The following INPP4A variants were observed in gnomAD, a reference collection of about 807,000 sequenced individuals.
INPP4A encodes the protein inositol polyphosphate-4-phosphatase type I A, also known as inositol polyphosphate-4-phosphatase, type I, 107kD.
Under a neutral mutation model 119.8 loss-of-function variants are expected in INPP4A, and 33 were observed. The observed-to-expected ratio is 0.28, with a 90% CI of 0.21 to 0.37. INPP4A has a LOEUF of 0.37. Ranked by LOEUF, INPP4A falls within the 10% of genes least tolerant of loss-of-function variation. The probability of loss-of-function intolerance (pLI) is 1.00; values close to 1 mark genes in which losing one functional copy is unlikely to be tolerated. For missense variants in INPP4A, 956 were observed against 1,289.9 expected (o/e 0.74, Z 3.97); for synonymous variants, 496 against 500.7 (o/e 0.99, Z 0.12).
Position 98,537,966 on chromosome 2 carries a change from A to C in INPP4A, c.571A>C (p.Asn191His). The change falls in exon 8 of 25, where the codon AAT (asparagine) becomes CAT (histidine). Residue 191 changes from asparagine to histidine, a missense_variant. Asn to His is a moderately conservative substitution (Grantham distance 68, BLOSUM62 1). Coordinates refer to ENST00000409851, the MANE Select transcript of INPP4A (RefSeq NM_001134225.2). ...TGTGACCCGGTCTGTGGACACTGTC[A>C]ATGGGAGGGTGAGTTACACCACTTT... ...PPVTRSVDTVNGRMVLPVDES... is the reference protein window; with the variant it reads ...PPVTRSVDTVHGRMVLPVDES... 1 of 1,604,424 alleles carries C rather than the reference A, an allele frequency of 6.2e-7. No homozygotes were observed. Among genetic ancestry groups the C allele is most frequent in the African/African-American group, 1.3e-5 (1 of 74,868 alleles).
At chr2:98,561,547 T>G (rs987946637) in intron 17 of INPP4A, among the ~76,000 whole-genome samples, 2 of 152,270 alleles carry the variant, frequency 1.3e-5, no homozygotes, top group African/African-American at 4.8e-5. Flanking sequence ...TTAGTGCTTT[T>G]TAGCCATTCT....
chr2:98,464,864 T>C (rs769694995), intron 1 of INPP4A, among the ~76,000 whole-genome samples: 1 of 152,212 alleles, frequency 6.6e-6, no homozygotes, highest in Non-Finnish European at 1.5e-5. Context: ...GGAAACTCCT[T>C]TTTAGGACAG....
intron 1 of INPP4A, among the ~76,000 whole-genome samples, chr2:98,457,981 T>TAAAA (rs1558867923): frequency 1.4e-5 from 2 of 146,084 alleles, no homozygotes; most frequent in Non-Finnish European, 3.0e-5. Context: ...AACAAAAATT[T>TAAAA]TTTTTTTTTT....
chr2:98,530,453 C>T (rs1689015416), intron 4 of INPP4A, among the ~76,000 whole-genome samples: 1 of 152,076 alleles, frequency 6.6e-6, no homozygotes, highest in Non-Finnish European at 1.5e-5. Flanking sequence ...TTGTTGAAAC[C>T]CCTCTCACTT....
intron 1 of INPP4A, among the ~76,000 whole-genome samples, chr2:98,517,696 CT>C (rs1686411139): frequency 6.6e-6 from 1 of 152,192 alleles, no homozygotes; most frequent in East Asian, 1.9e-4. Context: ...ACATTCTTTT[CT>C]TACCTATAGC....
In INPP4A at chr2:98,570,313, C is replaced by T. The variant is rs941523445; in HGVS notation, c.2518+1645C>T. Among the ~76,000 whole-genome samples the T allele has an allele frequency of 2.0e-5, 3 of 152,144 alleles. No homozygotes were observed. Among genetic ancestry groups the T allele is most frequent in the African/African-American group, 7.2e-5 (3 of 41,428 alleles). The stretch of plus-strand genomic sequence containing the variant: ...GGGCTGGAACAGCATCTGGAGGGGC[C>T]CCTGCTCTGGGGGACAGCGAGGAAG... On this transcript the variant is annotated intron_variant, in intron 22 of 24. Coordinates refer to ENST00000409851, the MANE Select transcript of INPP4A (RefSeq NM_001134225.2). The surrounding 1 kb of genome is among the most constrained non-coding windows in gnomAD (Gnocchi z 4.3).
intron 2 of INPP4A, 157 bp downstream of exon 2, chr2:98,519,182 A>G (rs1009099150): frequency 1.3e-5 from 2 of 152,188 alleles, no homozygotes. Flanking sequence ...AATTATCTTA[A>G]CTTGTAAAGG....
At chr2:98,476,572 G>A (rs1416064909) in intron 1 of INPP4A, among the ~76,000 whole-genome samples, 1 of 152,172 alleles carries the variant, frequency 6.6e-6, no homozygotes, top group Non-Finnish European at 1.5e-5. Flanking sequence ...TGTGTGTGGG[G>A]AGGAGCCCTG....
At chr2:98,564,927 C>T (rs185908251) in intron 19 of INPP4A, among the ~76,000 whole-genome samples, 164 bp downstream of exon 19, 12 of 152,356 alleles carry the variant, frequency 7.9e-5, no homozygotes, top group African/African-American at 2.6e-4. Context: ...CACACGCACA[C>T]GCCTTGGTTT....
chr2:98,583,684 A>G (rs1017221681), intron 24 of INPP4A, among the ~76,000 whole-genome samples: 1 of 152,076 alleles, frequency 6.6e-6, no homozygotes, highest in African/African-American at 2.4e-5. Flanking sequence ...GAATTTAGAG[A>G]AGCTTGCTTT....
At chr2:98,484,414 C>T (rs1166557094) in intron 1 of INPP4A, among the ~76,000 whole-genome samples, 1 of 152,112 alleles carries the variant, frequency 6.6e-6, no homozygotes, top group Non-Finnish European at 1.5e-5. Flanking sequence ...GACCAAGCCC[C>T]AGTTACTTTC....
chr2:98,505,499 T>G (rs1276159872), intron 1 of INPP4A, among the ~76,000 whole-genome samples: 1 of 152,246 alleles, frequency 6.6e-6, no homozygotes, highest in East Asian at 1.9e-4. Flanking sequence ...GGACACATGC[T>G]TTATTCTTGA....
chr2:98,566,292 C>A lies in INPP4A; in HGVS notation c.2420+123C>A. On this transcript the variant is annotated intron_variant, in intron 21 of 24. Transcript: ENST00000409851. This position sits in a 1 kb window ranked among gnomAD's most constrained non-coding sequence, Gnocchi z 4.2. ...CTTTGTCATCCTTCCTTCCTTTGGCCAACATTTTCATCATGGCCGTGCACC... is the reference window on the plus strand; with the variant it reads ...CTTTGTCATCCTTCCTTCCTTTGGCAAACATTTTCATCATGGCCGTGCACC... 1.9e-6 allele frequency: 2 copies of A among 1,078,366 alleles called. No homozygotes were observed. The highest frequency in any genetic ancestry group is 2.6e-6 in the Non-Finnish European group (2 of 779,912). 66.8% of individuals were successfully genotyped at this position (1,078,366 alleles called of 1,614,324 possible).
intron 1 of INPP4A, among the ~76,000 whole-genome samples, chr2:98,511,518 G>T (rs1051092658): frequency 2.0e-5 from 3 of 152,152 alleles, no homozygotes; most frequent in Admixed American, 6.6e-5. Context: ...GTGGGAGAGG[G>T]CTGGGCCCCA....
intron 10 of INPP4A, among the ~76,000 whole-genome samples, 166 bp downstream of exon 10, chr2:98,539,841 A>T (rs1292075942): frequency 2.0e-5 from 3 of 152,190 alleles, no homozygotes; most frequent in Non-Finnish European, 2.9e-5. Flanking sequence ...CAGTTTGCTC[A>T]TTGGGATCAT....
At chr2:98,533,601 C>A in intron 5 of INPP4A, 106 bp downstream of exon 5, 1 of 712,202 alleles carries the variant, frequency 1.4e-6, no homozygotes, top group Non-Finnish European at 2.5e-6. Context: ...GCTGTATTTA[C>A]GTGAGTTGTT....
At chr2:98,506,112 G>A (rs1316409649) in intron 1 of INPP4A, among the ~76,000 whole-genome samples, 1 of 152,166 alleles carries the variant, frequency 6.6e-6, no homozygotes, top group Non-Finnish European at 1.5e-5. Flanking sequence ...AGTGTTGCTT[G>A]ATGGGAAAAG....
At chr2:98,508,293 T>A (rs1684467451) in intron 1 of INPP4A, among the ~76,000 whole-genome samples, 1 of 152,160 alleles carries the variant, frequency 6.6e-6, no homozygotes, top group Admixed American at 6.5e-5. Context: ...GAAATCACCA[T>A]CTTTGGCAAT....
At chr2:98,561,827 T>C (rs1695532144) in intron 17 of INPP4A, among the ~76,000 whole-genome samples, 1 of 152,248 alleles carries the variant, frequency 6.6e-6, no homozygotes, top group Non-Finnish European at 1.5e-5. Flanking sequence ...TCTTAAAGAC[T>C]GCCTGCCTTT....
Sources: gnomAD v4.1 joint callset for allele counts (sites outside exome capture counted in the v4.1 genomes callset) on GRCh38, gnomAD v4.1.1 for gene constraint, Gnocchi (gnomAD v3.1) non-coding constraint, MANE v1.5 for transcripts, NCBI Gene and HGNC (gene_info 2026-07-23, HGNC 2026-07-21) for gene names.